The following ARSB variants were observed in gnomAD, a reference collection of about 807,000 sequenced individuals.
ARSB encodes arylsulfatase B, also known as N-acetylgalactosamine-4-sulfatase.
Under a neutral mutation model 50.9 loss-of-function variants are expected in ARSB, and 41 were observed. The ratio of observed to expected loss-of-function variants is 0.81; its 90% CI spans 0.63 to 1.04. ARSB has a LOEUF of 1.04. ARSB is among the 50% of genes least tolerant of loss of function. ARSB has a pLI of 0.00. For synonymous variants in ARSB, 269 were observed against 284.8 expected, an observed-to-expected ratio of 0.94 and a Z score of 0.56; for missense variants, 672 against 693.3, an observed-to-expected ratio of 0.97 and a Z score of 0.35.
chr5:78,935,356 T>C (rs190440410), intron 4 of ARSB, among the ~76,000 whole-genome samples: 6 of 152,316 alleles, frequency 3.9e-5, no homozygotes, highest in African/African-American at 1.4e-4. Context: ...GCTAACCATC[T>C]TCAGTAGAAG....
intron 4 of ARSB, among the ~76,000 whole-genome samples, chr5:78,895,477 T>A (rs1748524322): frequency 6.6e-6 from 1 of 152,212 alleles, no homozygotes; most frequent in African/African-American, 2.4e-5. Flanking sequence ...AAGGTTTATA[T>A]CCCATATTCC....
intron 4 of ARSB, among the ~76,000 whole-genome samples, chr5:78,947,329 A>G (rs1751285135): frequency 6.6e-6 from 1 of 152,222 alleles, no homozygotes. Context: ...AATGACCAAC[A>G]AAGTGAAGAG....
At chr5:78,966,069 A>G (rs1752191746) in intron 2 of ARSB, among the ~76,000 whole-genome samples, 1 of 152,262 alleles carries the variant, frequency 6.6e-6, no homozygotes. Context: ...ACTACTGGGC[A>G]TTAAAGCTTG....
At chr5:78,945,650 T>C (rs1310880699) in intron 4 of ARSB, among the ~76,000 whole-genome samples, 1 of 152,198 alleles carries the variant, frequency 6.6e-6, no homozygotes, top group Non-Finnish European at 1.5e-5. Context: ...CCTCCCTGCA[T>C]GTGCACAGGC....
intron 4 of ARSB, among the ~76,000 whole-genome samples, chr5:78,947,580 A>C (rs1479839645): frequency 6.6e-6 from 1 of 152,250 alleles, no homozygotes; most frequent in Non-Finnish European, 1.5e-5. Flanking sequence ...AACTGCAGTG[A>C]GATATCCTCT....
intron 6 of ARSB, among the ~76,000 whole-genome samples, chr5:78,821,253 A>AG (rs1285338399): frequency 2.0e-5 from 3 of 152,146 alleles, no homozygotes; most frequent in Non-Finnish European, 4.4e-5. Context: ...CTCCTGCCTC[A>AG]GCCTCCTGAG....
At chr5:78,845,830 GCTGT>G (rs771593672) in intron 5 of ARSB, among the ~76,000 whole-genome samples, 8 of 152,044 alleles carry the variant, frequency 5.3e-5, no homozygotes, top group African/African-American at 7.2e-5. Flanking sequence ...CATTATGCAG[GCTGT>G]CTATTTGCTC....
intron 6 of ARSB, among the ~76,000 whole-genome samples, chr5:78,825,890 CTT>C (rs1744413488): frequency 6.6e-6 from 1 of 152,186 alleles, no homozygotes. Context: ...ACCTCAGTCT[CTT>C]AAACTTGCCA....
chr5:78,849,342 T>C (rs2080535126), intron 5 of ARSB, among the ~76,000 whole-genome samples: 1 of 152,186 alleles, frequency 6.6e-6, no homozygotes, highest in Non-Finnish European at 1.5e-5. Flanking sequence ...CCATTGCTTG[T>C]TTTTCTCAGG....
At chr5:78,881,786 T>C (rs865940396) in intron 5 of ARSB, among the ~76,000 whole-genome samples, 4 of 152,362 alleles carry the variant, frequency 2.6e-5, no homozygotes, top group Admixed American at 6.5e-5. Flanking sequence ...TAAAATCATG[T>C]AGGGGCCACC....
intron 5 of ARSB, among the ~76,000 whole-genome samples, chr5:78,867,250 C>A (rs1306190574): frequency 1.3e-5 from 2 of 152,172 alleles, no homozygotes; most frequent in Non-Finnish European, 2.9e-5. Context: ...GAGAGGCGCC[C>A]GCCATTGCCC....
intron 4 of ARSB, among the ~76,000 whole-genome samples, chr5:78,898,123 C>T (rs1748655118): frequency 6.6e-6 from 1 of 152,080 alleles, no homozygotes; most frequent in African/African-American, 2.4e-5. Context: ...CAAAAATTAG[C>T]CAGGTGTGGT....
intron 1 of ARSB, among the ~76,000 whole-genome samples, chr5:78,983,150 T>G (rs1187810432): frequency 6.6e-6 from 1 of 151,726 alleles, no homozygotes; most frequent in African/African-American, 2.4e-5. Flanking sequence ...GCCTCCCGAG[T>G]TCAAGCGATT....
intron 3 of ARSB, among the ~76,000 whole-genome samples, chr5:78,959,061 C>T (rs1056941735): frequency 1.3e-5 from 2 of 152,098 alleles, no homozygotes; most frequent in Non-Finnish European, 2.9e-5. Context: ...TCCCATAATC[C>T]CCATGTGTCA....
At chr5:78,972,515 G>A (rs1268996764) in intron 1 of ARSB, among the ~76,000 whole-genome samples, 2 of 39,540 alleles carry the variant, frequency 5.1e-5, no homozygotes, top group Admixed American at 2.5e-4. Flanking sequence ...GCACGCATAC[G>A]TACACACACA....
At chr5:78,879,211 G>A (rs1234074444) in intron 5 of ARSB, among the ~76,000 whole-genome samples, 8 of 152,292 alleles carry the variant, frequency 5.3e-5, no homozygotes, top group Non-Finnish European at 8.8e-5. Context: ...AACTTGCAAG[G>A]TTTTAATCCT....
intron 2 of ARSB, 90 bp downstream of exon 2, chr5:78,968,916 C>T: frequency 7.1e-7 from 1 of 1,409,442 alleles, no homozygotes; most frequent in East Asian, 2.3e-5. Flanking sequence ...TTCAAATATC[C>T]AGTTCTTTCA....
At chr5:78,879,146 G>A (rs3098698) in intron 5 of ARSB, among the ~76,000 whole-genome samples, 12,137 of 152,218 alleles carry the variant, frequency 0.08, 830 homozygotes, top group East Asian at 0.33. Flanking sequence ...GAGCCACCAC[G>A]CCTAGTCTGC....
chr5:78,873,937 A>C (rs940817842), intron 5 of ARSB, among the ~76,000 whole-genome samples: 1 of 152,246 alleles, frequency 6.6e-6, no homozygotes, highest in Admixed American at 6.5e-5. Flanking sequence ...TTAAATCATA[A>C]CTATAATAAT....
Sources: allele counts gnomAD v4.1 joint callset (sites outside exome capture counted in the v4.1 genomes callset), GRCh38; gene constraint gnomAD v4.1.1; transcripts MANE v1.5; gene names NCBI Gene and HGNC (gene_info 2026-07-23, HGNC 2026-07-21).